RHBDD1: variants seen among roughly 807,000 people sequenced by gnomAD.
RHBDD1 encodes the protein rhomboid-related protein 4.
In RHBDD1, 38 loss-of-function variants were observed where a neutral mutation model predicts 36.3. The ratio of observed to expected loss-of-function variants is 1.05; its 90% CI spans 0.81 to 1.37. The LOEUF (loss-of-function observed/expected upper bound fraction) is 1.37, where lower values mean the gene tolerates loss of function less well. Among genes scored for constraint, RHBDD1 ranks in the 40% most tolerant of loss-of-function variants. The pLI, the probability that RHBDD1 is intolerant of heterozygous loss-of-function variation, is 0.00. For synonymous variants in RHBDD1, 151 were observed against 136.5 expected, an observed-to-expected ratio of 1.11 and a Z score of -0.74; for missense variants, 393 against 377.6, an observed-to-expected ratio of 1.04 and a Z score of -0.34.
intron 7 of RHBDD1, among the ~76,000 whole-genome samples, chr2:226,909,649 A>G (rs1447705269): frequency 1.3e-5 from 2 of 152,128 alleles, no homozygotes; most frequent in African/African-American, 4.8e-5. Context: ...ATGTCCCTAT[A>G]AAAGCGACCT....
At chr2:226,915,165 G>C (rs554402864) in intron 8 of RHBDD1, among the ~76,000 whole-genome samples, 2 of 152,080 alleles carry the variant, frequency 1.3e-5, no homozygotes, top group Non-Finnish European at 2.9e-5. Context: ...CTCAAGCTAA[G>C]TGTTAGACGT....
chr2:226,835,663 G>C (rs566613337), upstream of RHBDD1: 1 of 152,336 alleles, frequency 6.6e-6, no homozygotes, highest in African/African-American at 2.4e-5. Context: ...GCGTCCGTTG[G>C]GTAGGCGGCC....
At chr2:226,863,692 A>G (rs1487070238) in intron 3 of RHBDD1, among the ~76,000 whole-genome samples, 2 of 152,184 alleles carry the variant, frequency 1.3e-5, no homozygotes, top group East Asian at 3.9e-4. Flanking sequence ...ATGTTGTTTG[A>G]GAGGGTTTCA....
chr2:226,841,055 C>T (rs907684398), intron 3 of RHBDD1, among the ~76,000 whole-genome samples: 1 of 152,092 alleles, frequency 6.6e-6, no homozygotes, highest in Non-Finnish European at 1.5e-5. Context: ...GTGCATACTG[C>T]CCATGTAGTC....
At chr2:226,942,759 A>G (rs1458854714) in intron 8 of RHBDD1, among the ~76,000 whole-genome samples, 1 of 152,228 alleles carries the variant, frequency 6.6e-6, no homozygotes, top group Non-Finnish European at 1.5e-5. Flanking sequence ...ATTTGAATTA[A>G]GGATATTTGC....
At chr2:226,986,037 T>C (rs1297395970) in intron 8 of RHBDD1, among the ~76,000 whole-genome samples, 2 of 152,258 alleles carry the variant, frequency 1.3e-5, no homozygotes, top group Non-Finnish European at 2.9e-5. Context: ...CACGTTGATA[T>C]GTGATGAGGG....
At chr2:226,855,716 T>C (rs1943257588) in intron 3 of RHBDD1, among the ~76,000 whole-genome samples, 1 of 152,232 alleles carries the variant, frequency 6.6e-6, no homozygotes, top group South Asian at 2.1e-4. Flanking sequence ...CAATTTCTTC[T>C]GGAATACAGT....
intron 5 of RHBDD1, among the ~76,000 whole-genome samples, chr2:226,882,008 C>A (rs1323588200): frequency 6.6e-6 from 1 of 152,174 alleles, no homozygotes; most frequent in African/African-American, 2.4e-5. Flanking sequence ...CTACACAGTA[C>A]AATGTTAGGT....
chr2:226,978,824 C>T (rs1376997524), intron 8 of RHBDD1, among the ~76,000 whole-genome samples: 1 of 152,064 alleles, frequency 6.6e-6, no homozygotes, highest in Non-Finnish European at 1.5e-5. Context: ...TGTGTTTGAG[C>T]CAAGAGCTAG....
At chr2:226,837,328 T>C (rs557495571) in intron 1 of RHBDD1, among the ~76,000 whole-genome samples, 4 of 152,340 alleles carry the variant, frequency 2.6e-5, no homozygotes, top group South Asian at 2.1e-4. Context: ...GGGGTAGATA[T>C]GAGCTGTAGC....
At chr2:226,805,003 C>G in the RHBDD1 span, 28 of 152,522 alleles carry the variant, frequency 1.8e-4, no homozygotes, top group African/African-American at 6.3e-4. Context: ...GCCTGGGTGA[C>G]AGAGTGAGAC....
chr2:226,981,776 G>A (rs146430256), intron 8 of RHBDD1, among the ~76,000 whole-genome samples: 2 of 152,308 alleles, frequency 1.3e-5, no homozygotes, highest in African/African-American at 4.8e-5. Context: ...TGGCTTCCCA[G>A]CCACCACAAT....
chr2:226,919,717 T>C (rs1949171467), intron 8 of RHBDD1, among the ~76,000 whole-genome samples: 1 of 152,156 alleles, frequency 6.6e-6, no homozygotes, highest in East Asian at 1.9e-4. Flanking sequence ...GGTCTTTTGG[T>C]TATTATAGCT....
chr2:226,869,436 CTT>C (rs1260179331), intron 5 of RHBDD1, among the ~76,000 whole-genome samples: 1 of 152,148 alleles, frequency 6.6e-6, no homozygotes, highest in East Asian at 1.9e-4. Context: ...CTAGAGCTCT[CTT>C]TGCAATGCAT....
At chr2:226,948,564 T>TAAAAAAAAAAA (rs56325989) in intron 8 of RHBDD1, among the ~76,000 whole-genome samples, 1 of 23,554 alleles carries the variant, frequency 4.2e-5, no homozygotes, top group Non-Finnish European at 8.3e-5. Flanking sequence ...ACTTAAAGTA[T>TAAAAAAAAAAA]AAAAAAAAAA....
intron 8 of RHBDD1, among the ~76,000 whole-genome samples, chr2:226,946,896 G>C (rs903092959): frequency 4.6e-5 from 7 of 152,126 alleles, no homozygotes; most frequent in Non-Finnish European, 7.4e-5. Context: ...CTTCATCCCT[G>C]GATGCAAGGC....
intron 8 of RHBDD1, among the ~76,000 whole-genome samples, chr2:226,981,005 C>T (rs1177652389): frequency 6.6e-6 from 1 of 152,154 alleles, no homozygotes; most frequent in Non-Finnish European, 1.5e-5. Flanking sequence ...TGAGGCAGGC[C>T]ATTTCAAGGG....
At chr2:226,901,353 G>T (rs1947573388) in intron 5 of RHBDD1, among the ~76,000 whole-genome samples, 1 of 152,160 alleles carries the variant, frequency 6.6e-6, no homozygotes, top group East Asian at 1.9e-4. Context: ...TGGGAGTGCA[G>T]ATATCTCTTT....
chr2:226,947,408 G>A (rs1951058665), intron 8 of RHBDD1, among the ~76,000 whole-genome samples: 1 of 151,930 alleles, frequency 6.6e-6, no homozygotes, highest in Non-Finnish European at 1.5e-5. Context: ...AGATCAGATA[G>A]TTGTAGATAT....
Sources: gnomAD v4.1 joint callset for allele counts (sites outside exome capture counted in the v4.1 genomes callset) on GRCh38, gnomAD v4.1.1 for gene constraint, MANE v1.5 for transcripts, NCBI Gene and HGNC (gene_info 2026-07-23, HGNC 2026-07-21) for gene names.